The following ATP2B2 variants were observed in gnomAD, a reference collection of about 807,000 sequenced individuals.
ATP2B2 encodes the protein plasma membrane calcium-transporting ATPase 2.
In ATP2B2, 15 loss-of-function variants were observed where a neutral mutation model predicts 120.0. The ratio of observed to expected loss-of-function variants is 0.12; its 90% CI spans 0.08 to 0.19. The LOEUF (loss-of-function observed/expected upper bound fraction) is 0.19. Ranked by LOEUF, ATP2B2 falls within the 10% of genes least tolerant of loss-of-function variation. The pLI is 1.00. For synonymous variants in ATP2B2, 694 were observed against 700.3 expected, an observed-to-expected ratio of 0.99 and a Z score of 0.14; for missense variants, 1,045 against 1,719.8, an observed-to-expected ratio of 0.61 and a Z score of 6.94.
rs144170162 is a variant in ATP2B2, at chr3:10,692,069, C to T, written c.-460+15846G>A. On this transcript the variant is annotated intron_variant, in intron 1 of 21. Coordinates refer to the ATP2B2 transcript ENST00000646379. ...TTTACTGGGTTTGAGAAAGTTTTTA[C>T]GAATTATATTAAATCAGAGAGAGAG... 1.4e-3 allele frequency among the ~76,000 whole-genome samples: 218 copies of T among 152,164 alleles called. 3 individuals carry two copies. Among genetic ancestry groups the T allele is most frequent in the Non-Finnish European group, 3.2e-4 (22 of 67,996 alleles).
rs551136508 is a variant in ATP2B2 at position 10,328,713 on chromosome 3, G to A, written c.*101C>T. ...AGTATTTGGTTTCCGATTGTTGCTCGTTGCTGCTTGGGTGAGTTGGGTGCC... is the reference window on the plus strand; with the variant it reads ...AGTATTTGGTTTCCGATTGTTGCTCATTGCTGCTTGGGTGAGTTGGGTGCC... On this transcript the variant is annotated 3_prime_UTR_variant, in exon 23 of 23. Transcript: ENST00000360273. 9.6e-6 allele frequency: 12 copies of A among 1,254,060 alleles called. No individual in the cohort carries two copies. Among genetic ancestry groups the A allele is most frequent in the South Asian group, 4.6e-5 (3 of 65,512 alleles). The allele number at this position is 1,254,060 out of a possible 1,614,324, so 77.7% of individuals were successfully genotyped here.
At chr3:10,522,121 A>T (rs2066995880) in intron 3 of ATP2B2, among the ~76,000 whole-genome samples, 1 of 152,214 alleles carries the variant, frequency 6.6e-6, no homozygotes, top group Non-Finnish European at 1.5e-5. Context: ...TTTTATTTTT[A>T]AAAATGTATG....
intron 11 of ATP2B2, among the ~76,000 whole-genome samples, chr3:10,372,561 A>G (rs2061273487): frequency 6.6e-6 from 1 of 152,220 alleles, no homozygotes; most frequent in African/African-American, 2.4e-5. Flanking sequence ...TATTAATGTC[A>G]TTATTGCTAA....
At chr3:10,471,989 G>A (rs981641896) in intron 1 of ATP2B2, among the ~76,000 whole-genome samples, 11 of 150,728 alleles carry the variant, frequency 7.3e-5, no homozygotes, top group Non-Finnish European at 1.3e-4. Context: ...GCTGAGGCAG[G>A]AGAATGGCGT....
chr3:10,451,132 G>C (rs552511550), intron 1 of ATP2B2, among the ~76,000 whole-genome samples: 123 of 152,356 alleles, frequency 8.1e-4, no homozygotes, highest in African/African-American at 2.9e-3. Context: ...TTGAAGCTCA[G>C]AGAGGGAAAA....
chr3:10,572,557 C>T (rs2068151251), intron 2 of ATP2B2, among the ~76,000 whole-genome samples: 7 of 152,284 alleles, frequency 4.6e-5, no homozygotes, highest in Middle Eastern at 6.8e-3. Flanking sequence ...TAGTGCCTGG[C>T]ACATACGAAG....
chr3:10,607,543 C>T (rs905448542), intron 2 of ATP2B2, among the ~76,000 whole-genome samples: 3 of 152,216 alleles, frequency 2.0e-5, no homozygotes, highest in Non-Finnish European at 4.4e-5. Context: ...GGCCAGGACA[C>T]AGAACCTTTC....
chr3:10,482,486 C>T (rs1393129680), intron 1 of ATP2B2, among the ~76,000 whole-genome samples: 1 of 152,220 alleles, frequency 6.6e-6, no homozygotes, highest in Non-Finnish European at 1.5e-5. Context: ...GAGCAATGGC[C>T]TAAGGCAGCC....
At chr3:10,599,280 A>T (rs2068842654) in intron 2 of ATP2B2, among the ~76,000 whole-genome samples, 1 of 152,066 alleles carries the variant, frequency 6.6e-6, no homozygotes, top group Non-Finnish European at 1.5e-5. Flanking sequence ...CCTGGGCTTC[A>T]CCTGTTTCCA....
intron 1 of ATP2B2, among the ~76,000 whole-genome samples, chr3:10,474,905 T>C (rs1025192543): frequency 6.6e-6 from 1 of 152,246 alleles, no homozygotes; most frequent in African/African-American, 2.4e-5. Context: ...GGCTGACCTG[T>C]CTCTGTGTCC....
At chr3:10,668,078 C>T (rs1329192555) in intron 1 of ATP2B2, among the ~76,000 whole-genome samples, 3 of 152,230 alleles carry the variant, frequency 2.0e-5, no homozygotes, top group African/African-American at 7.2e-5. Context: ...CTCCTGGTGC[C>T]GCGTGACCTT....
intron 1 of ATP2B2, among the ~76,000 whole-genome samples, chr3:10,452,371 G>A (rs1163244610): frequency 1.3e-5 from 2 of 152,324 alleles, no homozygotes; most frequent in Admixed American, 6.5e-5. Context: ...CCCAGTCTAG[G>A]GCCAGCCACA....
chr3:10,685,482 G>T (rs573515779), intron 1 of ATP2B2, among the ~76,000 whole-genome samples: 3 of 151,996 alleles, frequency 2.0e-5, no homozygotes, highest in Non-Finnish European at 4.4e-5. Context: ...TTGGCTAAAG[G>T]TCTCCTCACT....
intron 2 of ATP2B2, among the ~76,000 whole-genome samples, chr3:10,442,595 A>AT (rs986398826): frequency 3.9e-5 from 6 of 152,172 alleles, no homozygotes; most frequent in Admixed American, 1.3e-4. Context: ...CTTTTGAAGG[A>AT]TTTTTTTTAC....
intron 1 of ATP2B2, among the ~76,000 whole-genome samples, chr3:10,699,387 T>C (rs2125718744): frequency 6.6e-6 from 1 of 152,358 alleles, no homozygotes; most frequent in East Asian, 1.9e-4. Context: ...GGTAGAAGTA[T>C]ATTTATTGAT....
At chr3:10,447,044 G>A (rs1195402822) in intron 2 of ATP2B2, among the ~76,000 whole-genome samples, 1 of 152,146 alleles carries the variant, frequency 6.6e-6, no homozygotes, top group African/African-American at 2.4e-5. Context: ...TCCCTTCCAT[G>A]AAGCCTTCCC....
In ATP2B2 at chr3:10,328,677, G is replaced by GT; in HGVS notation, c.*136dup. On this transcript the variant is annotated 3_prime_UTR_variant, in exon 23 of 23. Coordinates refer to ENST00000360273, the MANE Select transcript of ATP2B2 (RefSeq NM_001001331.4). ...AAAGGGTCTGTGGGTGGAAACGTTG[G>GT]TTTTCTCTCCAGTATTTGGTTTCCG... 3 of 917,234 alleles carry GT rather than the reference G, an allele frequency of 3.3e-6. No individual in the cohort carries two copies. The highest frequency in any genetic ancestry group is 4.8e-6 in the Non-Finnish European group (3 of 622,420). 56.8% of individuals were successfully genotyped at this position (917,234 alleles called of 1,614,324 possible).
At chr3:10,564,684 C>T (rs1288620133) in intron 2 of ATP2B2, among the ~76,000 whole-genome samples, 1 of 152,176 alleles carries the variant, frequency 6.6e-6, no homozygotes, top group Non-Finnish European at 1.5e-5. Context: ...CCTTTATGTG[C>T]CACTTACACA....
intron 2 of ATP2B2, among the ~76,000 whole-genome samples, chr3:10,595,798 T>A (rs902039317): frequency 6.6e-6 from 1 of 152,216 alleles, no homozygotes; most frequent in Non-Finnish European, 1.5e-5. Flanking sequence ...CAAATGAAGA[T>A]TGCTTAATGG....
Sources: allele counts gnomAD v4.1 joint callset (sites outside exome capture counted in the v4.1 genomes callset), GRCh38; gene constraint gnomAD v4.1.1; transcripts MANE v1.5; gene names NCBI Gene and HGNC (gene_info 2026-07-23, HGNC 2026-07-21).